The following BTBD9 variants were observed in gnomAD, a reference collection of about 807,000 sequenced individuals.
BTBD9 encodes BTB/POZ domain-containing protein 9.
A neutral mutation model predicts 64.3 loss-of-function variants in BTBD9; 49 were observed. The observed-to-expected ratio is 0.76, with a 90% CI of 0.61 to 0.97. BTBD9 has a LOEUF of 0.97. Among genes scored for constraint, BTBD9 ranks in the 50% least tolerant of loss-of-function variants. The pLI is 0.00. For missense variants in BTBD9, 598 were observed against 762.1 expected (o/e 0.78, Z 2.53); for synonymous variants, 260 against 274.7 (o/e 0.95, Z 0.53).
chr6:38,588,904 T>G (rs535837033), intron 4 of BTBD9, among the ~76,000 whole-genome samples: 306 of 152,308 alleles, frequency 2.0e-3, no homozygotes, highest in Non-Finnish European at 3.7e-3. Context: ...CGACTAGATG[T>G]CATGTATAAA....
chr6:38,331,596 C>T (rs1240080734), intron 7 of BTBD9, among the ~76,000 whole-genome samples: 1 of 152,120 alleles, frequency 6.6e-6, no homozygotes, highest in Non-Finnish European at 1.5e-5. Context: ...TAGTGGCTCA[C>T]ACCTGGAATC....
intron 6 of BTBD9, among the ~76,000 whole-genome samples, chr6:38,507,952 G>A (rs1202483337): frequency 6.7e-6 from 1 of 150,096 alleles, no homozygotes; most frequent in African/African-American, 2.5e-5. Context: ...TCCTACCTCA[G>A]CCTCCCGAGT....
chr6:38,202,082 TTTG>T (rs1582042731), intron 9 of BTBD9, among the ~76,000 whole-genome samples: 6 of 140,496 alleles, frequency 4.3e-5, no homozygotes, highest in East Asian at 2.5e-4. Context: ...TGTCGTTTTT[TTTG>T]TTTTTTTTTT....
At chr6:38,176,155 C>G (rs370381254) in intron 10 of BTBD9, among the ~76,000 whole-genome samples, 15 of 152,222 alleles carry the variant, frequency 9.9e-5, no homozygotes, top group East Asian at 9.7e-4. Flanking sequence ...CTGTGGGGTG[C>G]AGGAGAGAAG....
chr6:38,225,721 G>T (rs1470574752), intron 9 of BTBD9, among the ~76,000 whole-genome samples: 1 of 152,194 alleles, frequency 6.6e-6, no homozygotes, highest in Non-Finnish European at 1.5e-5. Context: ...CACTTAACCA[G>T]CCAGGCAAGG....
intron 9 of BTBD9, among the ~76,000 whole-genome samples, chr6:38,242,719 G>T (rs10484932): frequency 6.6e-6 from 1 of 152,006 alleles, no homozygotes; most frequent in Non-Finnish European, 1.5e-5. Context: ...CTACCTACTA[G>T]GGTCACTGAA....
chr6:38,236,527 C>A (rs12202202), intron 9 of BTBD9, among the ~76,000 whole-genome samples: 1 of 152,244 alleles, frequency 6.6e-6, no homozygotes, highest in South Asian at 2.1e-4. Context: ...AGCCAACACA[C>A]GCAGGTCTGT....
At position 38,436,520 on chromosome 6, in the gene BTBD9, C is replaced by T. The variant is rs190841014; in HGVS notation, c.1155-91427G>A. On this transcript the variant is annotated intron_variant, in intron 6 of 10. Transcript: ENST00000481247. Reference sequence around the variant, plus strand: ...CCTCCTGAGTAGCTGGGATTATAGGCGTGCGAAACCACGCCCAGCTAATTT... The same window carrying T: ...CCTCCTGAGTAGCTGGGATTATAGGTGTGCGAAACCACGCCCAGCTAATTT... Among the ~76,000 whole-genome samples, 152 of 151,614 alleles carry T rather than the reference C, an allele frequency of 1.0e-3. No homozygotes were observed. In the Middle Eastern group the frequency reaches 0.014, roughly 14 times the overall value.
chr6:38,624,097 T>C (rs1286434700), intron 1 of BTBD9, among the ~76,000 whole-genome samples: 1 of 152,128 alleles, frequency 6.6e-6, no homozygotes, highest in Non-Finnish European at 1.5e-5. Flanking sequence ...TTTCCTGTCT[T>C]ACAAGAGGAT....
At chr6:38,377,589 C>T (rs1765742462) in intron 6 of BTBD9, among the ~76,000 whole-genome samples, 1 of 152,152 alleles carries the variant, frequency 6.6e-6, no homozygotes, top group African/African-American at 2.4e-5. Context: ...CAGGCATGCA[C>T]ACACACACGG....
chr6:38,339,137 C>CA (rs769692382), intron 7 of BTBD9, among the ~76,000 whole-genome samples: 1 of 151,972 alleles, frequency 6.6e-6, no homozygotes, highest in Admixed American at 6.6e-5. Context: ...GATATATTGG[C>CA]AAAAATAGGA....
intron 6 of BTBD9, among the ~76,000 whole-genome samples, chr6:38,562,378 C>A (rs1775300595): frequency 6.6e-6 from 1 of 152,178 alleles, no homozygotes; most frequent in Non-Finnish European, 1.5e-5. Flanking sequence ...CCTTTATTTA[C>A]CTTCATGGCG....
intron 6 of BTBD9, chr6:38,504,664 T>C: frequency 4.4e-6 from 2 of 451,280 alleles, no homozygotes; most frequent in Admixed American, 4.8e-5. Flanking sequence ...AGGAAGCCCA[T>C]TCCTAGAATG....
At chr6:38,581,587 C>T (rs1318094961) in intron 4 of BTBD9, among the ~76,000 whole-genome samples, 1 of 152,152 alleles carries the variant, frequency 6.6e-6, no homozygotes, top group Non-Finnish European at 1.5e-5. Flanking sequence ...TGGAACCTAT[C>T]TTCCAGGTAC....
rs1052936518 is a variant in BTBD9, at chr6:38,184,375, C to T, written c.1641+8144G>A. On this transcript the variant is annotated intron_variant, in intron 10 of 10. Transcript: ENST00000481247. The surrounding 1 kb of genome is among the most constrained non-coding windows in gnomAD (Gnocchi z 4.4). ...GCCATCTGAAACCTAAGTTTGTTTC[C>T]ATTATTTCTATTCCCAAGCAGGTTT... Among the ~76,000 whole-genome samples, 5 of 152,204 alleles carry T rather than the reference C, an allele frequency of 3.3e-5. No individual in the cohort carries two copies. The highest frequency in any genetic ancestry group is 9.7e-5 in the African/African-American group (4 of 41,446).
chr6:38,446,309 T>G (rs1365352488), intron 6 of BTBD9, among the ~76,000 whole-genome samples: 2 of 152,010 alleles, frequency 1.3e-5, no homozygotes, highest in Non-Finnish European at 2.9e-5. Context: ...ACAACTAGTT[T>G]TTTTTTTTTT....
chr6:38,498,336 A>AAGC (rs1468538228), intron 6 of BTBD9, among the ~76,000 whole-genome samples: 2 of 152,130 alleles, frequency 1.3e-5, no homozygotes, highest in Non-Finnish European at 2.9e-5. Flanking sequence ...AGAGAATGCT[A>AAGC]AGCATATTTC....
chr6:38,183,749 C>T (rs1582011036), intron 10 of BTBD9, among the ~76,000 whole-genome samples: 1 of 152,336 alleles, frequency 6.6e-6, no homozygotes, highest in Non-Finnish European at 1.5e-5. Flanking sequence ...AGAGCTCTGC[C>T]ATTCTCCAAG....
At chr6:38,186,482 C>T (rs1761825143) in intron 10 of BTBD9, among the ~76,000 whole-genome samples, 1 of 152,140 alleles carries the variant, frequency 6.6e-6, no homozygotes, top group African/African-American at 2.4e-5. Context: ...TATTGGAATG[C>T]CACGGCCTCT....
Sources: gnomAD v4.1 joint callset for allele counts (sites outside exome capture counted in the v4.1 genomes callset) on GRCh38, gnomAD v4.1.1 for gene constraint, Gnocchi (gnomAD v3.1) non-coding constraint, MANE v1.5 for transcripts, NCBI Gene and HGNC (gene_info 2026-07-23, HGNC 2026-07-21) for gene names.